CACNA1C: variants seen among roughly 807,000 people sequenced by gnomAD.
CACNA1C encodes the protein voltage-dependent L-type calcium channel subunit alpha-1C.
In CACNA1C, 30 loss-of-function variants were observed where a neutral mutation model predicts 229.0. That is an observed-to-expected ratio of 0.13 (90% confidence interval 0.10 to 0.18). The LOEUF (loss-of-function observed/expected upper bound fraction) is 0.18, where lower values mean the gene tolerates loss of function less well. Ranked by LOEUF, CACNA1C falls within the 10% of genes least tolerant of loss-of-function variation. CACNA1C has a pLI of 1.00. For synonymous variants in CACNA1C, 1,114 were observed against 1,132.5 expected (o/e 0.98, Z 0.33); for missense variants, 1,658 against 2,845.0 (o/e 0.58, Z 9.49).
At position 2,186,360 on chromosome 12, in the gene CACNA1C, G is replaced by A. The variant is rs185382365; in HGVS notation, c.477+65930G>A. Among the ~76,000 whole-genome samples, 23 of 152,316 alleles carry A rather than the reference G, an allele frequency of 1.5e-4. No individual in the cohort carries two copies. The East Asian group carries it at 3.7e-3, about 24-fold the overall frequency. On this transcript the variant is annotated intron_variant, in intron 3 of 46. Coordinates refer to ENST00000399655, the MANE Select transcript of CACNA1C (RefSeq NM_000719.7). The stretch of plus-strand genomic sequence containing the variant: ...AAGTGACTAGGTCCATTGTGGGTGA[G>A]GCAAGGTGGCCACCTCTGCATCCTC...
chr12:2,450,358 T>A (rs184654008), intron 4 of CACNA1C, among the ~76,000 whole-genome samples: 44 of 151,554 alleles, frequency 2.9e-4, no homozygotes, highest in Non-Finnish European at 6.0e-4. Flanking sequence ...ATCGAGACCA[T>A]CCTGGCTAAC....
At chr12:2,604,133 G>A (rs1048141403) in intron 22 of CACNA1C, among the ~76,000 whole-genome samples, 11 of 152,206 alleles carry the variant, frequency 7.2e-5, no homozygotes, top group African/African-American at 2.7e-4. Context: ...CAGAAAAGGA[G>A]AGGGAAATTT....
rs542584228 is a variant in CACNA1C, at chr12:2,136,182, T to C, written c.477+15752T>C. ...GCTTTGGCTCGCGCACCCACTGGCC[T>C]GCGCCCACTGTCTGGCACTCCCTAG... is the stretch of plus-strand genomic sequence containing the variant. On this transcript the variant is annotated intron_variant, in intron 3 of 46. Coordinates refer to ENST00000399655, the MANE Select transcript of CACNA1C (RefSeq NM_000719.7). 4.6e-5 allele frequency among the ~76,000 whole-genome samples: 7 copies of C among 151,498 alleles called. No homozygotes were observed. The East Asian group carries it at 1.4e-3, about 29-fold the overall frequency.
Position 2,504,957 on chromosome 12 carries a change from C to G in CACNA1C, c.1217+12C>G, listed in dbSNP as rs755471406. On this transcript the variant is annotated intron_variant, in intron 8 of 46. Coordinates refer to ENST00000399655, the MANE Select transcript of CACNA1C (RefSeq NM_000719.7). The surrounding 1 kb of genome is among the most constrained non-coding windows in gnomAD (Gnocchi z 6.8). The stretch of plus-strand genomic sequence containing the variant: ...GGTGTGCTTAGCGGGTAAGCAGGAC[C>G]AAGGAAAAAGGTCTTGATTTTTCCA... The G allele has an allele frequency of 5.3e-6, 7 of 1,327,396 alleles. No homozygotes were observed. In the East Asian group the frequency reaches 1.6e-4, roughly 30 times the overall value. 82.2% of individuals were successfully genotyped at this position (1,327,396 alleles called of 1,614,324 possible). A position where few individuals can be genotyped will look rare whatever the true frequency, so the allele number is the denominator to read the frequency against.
At chr12:2,176,216 C>G (rs2096639997) in intron 3 of CACNA1C, among the ~76,000 whole-genome samples, 1 of 152,014 alleles carries the variant, frequency 6.6e-6, no homozygotes, top group African/African-American at 2.4e-5. Flanking sequence ...TGAGAAATTG[C>G]TGGAGAGGAG....
intron 1 of CACNA1C, among the ~76,000 whole-genome samples, chr12:2,036,753 G>A (rs375734739): frequency 6.6e-6 from 1 of 151,154 alleles, no homozygotes; most frequent in Non-Finnish European, 1.5e-5. Flanking sequence ...CATGAGCCAC[G>A]GCGCCCAGCC....
rs1183678553 is a variant in CACNA1C, at chr12:2,647,775, A to T, written c.3913-700A>T. 6.6e-6 allele frequency among the ~76,000 whole-genome samples: 1 copy of T among 152,164 alleles called. No homozygotes were observed. The highest frequency in any genetic ancestry group is 2.4e-5 in the African/African-American group (1 of 41,434). ...CCTTCAGCTGGCCCTGCCTGGGGTA[A>T]GCTAAAGTGCACAAAGCCTAAGTCC... On this transcript the variant is annotated intron_variant, in intron 30 of 46. Transcript: ENST00000399655. The surrounding 1 kb of genome is among the most constrained non-coding windows in gnomAD (Gnocchi z 4.2).
rs926181014 is a variant in CACNA1C at position 2,605,307 on chromosome 12, T to C, written c.3048+139T>C. 1.9e-5 allele frequency: 12 copies of C among 644,322 alleles called. 1 individual carries two copies. Among genetic ancestry groups the C allele is most frequent in the South Asian group, 5.5e-5 (3 of 54,168 alleles). 39.9% of individuals were successfully genotyped at this position (644,322 alleles called of 1,614,324 possible). On this transcript the variant is annotated intron_variant, in intron 23 of 46. Transcript: ENST00000399655. The surrounding 1 kb of genome is among the most constrained non-coding windows in gnomAD (Gnocchi z 6.2). ...GTGGGGTCCCGGACACTGGTCCCACTGCATGTCCCGGTTCCGTAATGAACA... is the reference window on the plus strand; with the variant it reads ...GTGGGGTCCCGGACACTGGTCCCACCGCATGTCCCGGTTCCGTAATGAACA...
At chr12:2,610,513 C>G in intron 27 of CACNA1C, 28 bp from the exon 28 acceptor site, 5 of 1,597,396 alleles carry the variant, frequency 3.1e-6, no homozygotes, top group East Asian at 2.2e-5. Context: ...ACTAACCCCA[C>G]TCTCCCCATC....
intron 27 of CACNA1C, among the ~76,000 whole-genome samples, chr12:2,609,588 A>G (rs943815939): frequency 6.7e-6 from 1 of 149,342 alleles, no homozygotes; most frequent in East Asian, 2.0e-4. Flanking sequence ...CCGGTTAATG[A>G]TGGTAGCGAT....
At chr12:2,073,055 A>G (rs1445456139) in intron 1 of CACNA1C, among the ~76,000 whole-genome samples, 2 of 152,148 alleles carry the variant, frequency 1.3e-5, no homozygotes, top group South Asian at 2.1e-4. Flanking sequence ...ACACATTCTC[A>G]GTGGCGGCAA....
intron 3 of CACNA1C, among the ~76,000 whole-genome samples, chr12:2,387,746 C>T (rs1403245855): frequency 2.0e-5 from 3 of 152,104 alleles, no homozygotes; most frequent in Non-Finnish European, 4.4e-5. Context: ...GAAAGGGCTC[C>T]AGGGCCAGAG....
chr12:2,400,368 G>A (rs549683308), intron 3 of CACNA1C, among the ~76,000 whole-genome samples: 5 of 152,244 alleles, frequency 3.3e-5, no homozygotes, highest in East Asian at 3.9e-4. Flanking sequence ...TGGTGCCTAC[G>A]GGGCAGGGGC....
At chr12:2,187,507 C>T (rs1259028482) in intron 3 of CACNA1C, among the ~76,000 whole-genome samples, 1 of 147,552 alleles carries the variant, frequency 6.8e-6, no homozygotes, top group Non-Finnish European at 1.5e-5. Context: ...CAGCCTCTTC[C>T]CAAGGCTGAG....
rs543237783 is a variant in CACNA1C, at chr12:2,662,628, A to G, written c.4233-2197A>G. Among the ~76,000 whole-genome samples, 80 of 152,346 alleles carry G rather than the reference A, an allele frequency of 5.3e-4. No homozygotes were observed. In the South Asian group the frequency reaches 0.01, roughly 20 times the overall value. ...CAACAGGATTATTCACAGAGGCTGA[A>G]ACTGATTCTACAGTGTCTATGGAAT... is the stretch of plus-strand genomic sequence containing the variant. On this transcript the variant is annotated intron_variant, in intron 34 of 46. Coordinates refer to ENST00000399655, the MANE Select transcript of CACNA1C (RefSeq NM_000719.7).
At chr12:2,231,030 CAT>C (rs2064958991) in intron 3 of CACNA1C, among the ~76,000 whole-genome samples, 2 of 152,182 alleles carry the variant, frequency 1.3e-5, no homozygotes, top group African/African-American at 2.4e-5. Flanking sequence ...TTGGAAATAA[CAT>C]ATACAGATAC....
At position 2,003,165 on chromosome 12, in the gene CACNA1C, T is replaced by A. The variant is rs2042582447; in HGVS notation, c.139+31964T>A. Among the ~76,000 whole-genome samples, 4 of 152,218 alleles carry A rather than the reference T, an allele frequency of 2.6e-5. No homozygotes were observed. The South Asian group carries it at 6.2e-4, about 24-fold the overall frequency. On this transcript the variant is annotated intron_variant, in intron 1 of 46. Coordinates refer to the CACNA1C transcript ENST00000682462. The stretch of plus-strand genomic sequence containing the variant: ...ATTCTTGCTTGTCTTTTTATTTTTA[T>A]GTTAATGATTTTCAGGTGAGTTTTT...
intron 3 of CACNA1C, among the ~76,000 whole-genome samples, chr12:2,349,313 G>A (rs930463424): frequency 1.3e-5 from 2 of 152,206 alleles, no homozygotes; most frequent in East Asian, 1.9e-4. Flanking sequence ...CCCTGGCAGC[G>A]TTGGGACATA....
intron 3 of CACNA1C, among the ~76,000 whole-genome samples, chr12:2,188,590 G>C (rs968053837): frequency 6.6e-6 from 1 of 152,056 alleles, no homozygotes; most frequent in Non-Finnish European, 1.5e-5. Flanking sequence ...TCCCCAGAGA[G>C]AGAGAAAAAA....
Sources: gnomAD v4.1 joint callset for allele counts (sites outside exome capture counted in the v4.1 genomes callset) on GRCh38, gnomAD v4.1.1 for gene constraint, Gnocchi (gnomAD v3.1) non-coding constraint, MANE v1.5 for transcripts, NCBI Gene and HGNC (gene_info 2026-07-23, HGNC 2026-07-21) for gene names.